Variants in ESPL1 observed in about 807,000 individuals in gnomAD.
ESPL1 encodes separin.
ESPL1 carries 50 observed loss-of-function variants against 217.2 expected under a neutral mutation model. The ratio of observed to expected loss-of-function variants is 0.23; its 90% CI spans 0.18 to 0.29. The LOEUF (loss-of-function observed/expected upper bound fraction) is 0.29. Ranked by LOEUF, ESPL1 falls within the 10% of genes least tolerant of loss-of-function variation. ESPL1 has a pLI of 1.00. For missense variants in ESPL1, 1,834 were observed against 2,603.0 expected, an observed-to-expected ratio of 0.70 and a Z score of 6.43; for synonymous variants, 994 against 1,081.3, an observed-to-expected ratio of 0.92 and a Z score of 1.58.
At chr12:53,289,659 G>T in intron 22 of ESPL1, 65 bp downstream of exon 22, 2 of 1,417,292 alleles carry the variant, frequency 1.4e-6, no homozygotes. Flanking sequence ...TGGGAGCTGG[G>T]TGAAGGAGTT....
chr12:53,271,749 T>C (rs1385985873), intron 5 of ESPL1, among the ~76,000 whole-genome samples: 2 of 152,154 alleles, frequency 1.3e-5, no homozygotes, highest in African/African-American at 4.8e-5. Context: ...CAGTCATCTA[T>C]GTTGATGGCC....
Position 53,289,139 on chromosome 12 carries a change from G to T in ESPL1, c.4758G>T (p.Arg1586=), listed in dbSNP as rs1944008911. Residue 1586 remains arginine, a synonymous_variant, in exon 21 of 31, where the codon CGG becomes CGT. Transcript: ENST00000257934. Reference sequence around the variant, plus strand: ...GTGACTCCCTGAGTGTTGCTTTCCGGGGCATTAGTCACTGTCCTCCTAGTG... The same window carrying T: ...GTGACTCCCTGAGTGTTGCTTTCCGTGGCATTAGTCACTGTCCTCCTAGTG... ...SICDSLSVAF[R]GISHCPPSGL... The T allele has an allele frequency of 2.5e-6, 4 of 1,614,126 alleles. No individual in the cohort carries two copies. Among genetic ancestry groups the T allele is most frequent in the Non-Finnish European group, 3.4e-6 (4 of 1,179,998 alleles).
chr12:53,281,261 C>T (rs549551196), intron 12 of ESPL1, among the ~76,000 whole-genome samples: 3 of 151,644 alleles, frequency 2.0e-5, no homozygotes, highest in African/African-American at 7.2e-5. Flanking sequence ...CCTCAGCCTC[C>T]CGAGTAGCTG....
At position 53,283,533 on chromosome 12, in the gene ESPL1, ACG is replaced by A. The variant is rs1367643851; in HGVS notation, c.3074_3075del (p.Arg1025ProfsTer18). ...AACTTACAACAAAGCTGCAGATACCACGCCAGTAAGTACAGGGCCAGAGGATA... is the reference window on the plus strand; with the variant it reads ...AACTTACAACAAAGCTGCAGATACCACCAGTAAGTACAGGGCCAGAGGATA... ...LKLTTKLQIP[R>X]QCALFLVLKG... On this transcript the variant is annotated frameshift_variant, in exon 16 of 31. Coordinates refer to ENST00000257934, the MANE Select transcript of ESPL1 (RefSeq NM_012291.5). LOFTEE classifies it high-confidence loss of function. 6.2e-7 allele frequency: 1 copy of A among 1,614,014 alleles called. No individual in the cohort carries two copies. Among genetic ancestry groups the A allele is most frequent in the Admixed American group, 1.7e-5 (1 of 59,960 alleles).
chr12:53,288,099 A>T lies in ESPL1; in HGVS notation c.4304A>T (p.Lys1435Met), dbSNP rs1110719. 0.98 allele frequency: 1,578,348 copies of T among 1,613,696 alleles called. 777,597 individuals are homozygous for T. The highest frequency in any genetic ancestry group is 1 in the East Asian group (44,870 of 44,870). The change falls in exon 19 of 31, where the codon AAG becomes ATG. Residue 1435 changes from lysine to methionine, a missense_variant. By Grantham distance (95) the Lys-to-Met change is moderately conservative. Coordinates refer to ENST00000257934, the MANE Select transcript of ESPL1 (RefSeq NM_012291.5). ...RGRARKGLSL[K>M]TDAVVAPGSA... ...CGAGCAAGGAAGGGCCTGAGCCTAA[A>T]GACGGATGCCGTGGTTGCCCCAGGT...
Position 53,276,666 on chromosome 12 carries a change from C to T in ESPL1, c.1747C>T (p.Leu583Phe), listed in dbSNP as rs1216967881. Residue 583 changes from leucine to phenylalanine, a missense_variant, in exon 8 of 31, where the codon CTC (leucine) becomes TTC (phenylalanine). Transcript: ENST00000257934. ...LSGWDPETLA[L>F]LLREELQAYK... is the part of the protein sequence containing the mutation. ...TGGCTGGGACCCGGAGACCCTGGCCCTCCTGCTGAGGGAGGAGCTGCAGGC... is the reference window on the plus strand; with the variant it reads ...TGGCTGGGACCCGGAGACCCTGGCCTTCCTGCTGAGGGAGGAGCTGCAGGC... The T allele has an allele frequency of 2.5e-6, 4 of 1,613,268 alleles. No homozygotes were observed. The highest frequency in any genetic ancestry group is 1.7e-6 in the Non-Finnish European group (2 of 1,179,962).
At chr12:53,291,077 T>G in intron 25 of ESPL1, 81 bp downstream of exon 25, 1 of 1,267,598 alleles carries the variant, frequency 7.9e-7, no homozygotes, top group Non-Finnish European at 1.1e-6. Context: ...CCAAGGCAGA[T>G]GGATTGCTTG....
At position 53,277,883 on chromosome 12, in the gene ESPL1, G is replaced by A. The variant is rs549455729; in HGVS notation, c.2287G>A (p.Ala763Thr). The A allele has an allele frequency of 3.1e-6, 5 of 1,614,196 alleles. No homozygotes were observed. The highest frequency in any genetic ancestry group is 2.2e-5 in the East Asian group (1 of 44,886). The change falls in exon 11 of 31, where the codon GCC becomes ACC. Residue 763 changes from alanine to threonine, a missense_variant. Transcript: ENST00000257934. The part of the protein sequence containing the change: ...LWKELLTKGQ[A>T]PAVRCLQQTA... Reference sequence around the variant, plus strand: ...GAAGGAGCTGCTTACAAAGGGGCAGGCCCCAGCTGTACGGTGTCTCCAGCA... The same window carrying A: ...GAAGGAGCTGCTTACAAAGGGGCAGACCCCAGCTGTACGGTGTCTCCAGCA...
At chr12:53,270,850 TA>T in intron 5 of ESPL1, 52 bp downstream of exon 5, 1 of 1,605,808 alleles carries the variant, frequency 6.2e-7, no homozygotes, top group Non-Finnish European at 8.5e-7. Flanking sequence ...CATCACCCAT[TA>T]GGCAGGTGAA....
chr12:53,284,985 C>G (rs1326602379), intron 17 of ESPL1, among the ~76,000 whole-genome samples: 112 of 125,322 alleles, frequency 8.9e-4, no homozygotes, highest in African/African-American at 3.3e-3. Context: ...CACTCCAGCC[C>G]GGGTGACAGT....
chr12:53,285,067 C>T (rs1943924445), intron 17 of ESPL1, among the ~76,000 whole-genome samples: 3 of 151,158 alleles, frequency 2.0e-5, no homozygotes, highest in South Asian at 4.2e-4. Flanking sequence ...AGAATTCAGT[C>T]CTCAGTCACA....
intron 6 of ESPL1, 38 bp downstream of exon 6, chr12:53,272,895 T>C (rs1384325474): frequency 6.2e-7 from 1 of 1,608,404 alleles, no homozygotes; most frequent in Non-Finnish European, 8.5e-7. Flanking sequence ...GGAGCTTATG[T>C]GGTTGGGGAG....
In ESPL1 at chr12:53,288,922, T is replaced by C. The variant is rs1002579615; in HGVS notation, c.4709-168T>C. The stretch of plus-strand genomic sequence containing the variant: ...GGTTTAGGGAGCATGGTGGAATAAG[T>C]TGATGCCTGTTAGTTGCATGGCACC... On this transcript the variant is annotated intron_variant, in intron 20 of 30. Transcript: ENST00000257934. The C allele has an allele frequency of 4.0e-5, 28 of 707,296 alleles. 1 individual carries two copies. The highest frequency in any genetic ancestry group is 6.5e-5 in the Non-Finnish European group (27 of 412,656). 43.8% of individuals were successfully genotyped at this position (707,296 alleles called of 1,614,324 possible). A position where few individuals can be genotyped will look rare whatever the true frequency, so the allele number is the denominator to read the frequency against.
chr12:53,271,223 G>A (rs1465876393), intron 5 of ESPL1, among the ~76,000 whole-genome samples: 4 of 129,234 alleles, frequency 3.1e-5, no homozygotes, highest in African/African-American at 9.0e-5. Context: ...ACCTAGGCTG[G>A]AGTGCACTGG....
rs755890836 is a variant in ESPL1, at chr12:53,268,875, AC to A, written c.81+30del. 9.5e-6 allele frequency: 15 copies of A among 1,586,684 alleles called. No individual in the cohort carries two copies. In the African/African-American group the frequency reaches 1.7e-4, roughly 18 times the overall value. Reference sequence around the variant, plus strand: ...GGGGGTGCTGCCTGGCTCGGGATACACCTGGCTTTCCAAACTGAGCTGTTTT... The same window carrying A: ...GGGGGTGCTGCCTGGCTCGGGATACACTGGCTTTCCAAACTGAGCTGTTTT... On this transcript the variant is annotated intron_variant, in intron 2 of 30. Coordinates refer to ENST00000257934, the MANE Select transcript of ESPL1 (RefSeq NM_012291.5).
In ESPL1 at chr12:53,292,293, G is replaced by T. The variant is rs1430298210; in HGVS notation, c.5812G>T (p.Val1938Leu). Reference protein sequence around the residue: ...SIIKEYGASPVLSQGVDPRST... With the variant: ...SIIKEYGASPLLSQGVDPRST... The stretch of plus-strand genomic sequence containing the variant: ...TCCTCCTCAGTATGGGGCCTCGCCA[G>T]TGCTGAGTCAAGGGGTGGATCCACG... Residue 1938 changes from valine to leucine, a missense_variant, in exon 28 of 31, where the codon GTG becomes TTG. Physicochemically the swap from Val to Leu is conservative, Grantham distance 32. This residue lies in a region of ESPL1 where 295 missense variants were observed against 519.8 expected (regional missense o/e 0.57). Coordinates refer to ENST00000257934, the MANE Select transcript of ESPL1 (RefSeq NM_012291.5). The surrounding 1 kb of genome is among the most constrained non-coding windows in gnomAD (Gnocchi z 4.5). The T allele has an allele frequency of 6.2e-7, 1 of 1,613,382 alleles. No individual in the cohort carries two copies. Among genetic ancestry groups the T allele is most frequent in the Non-Finnish European group, 8.5e-7 (1 of 1,179,292 alleles).
chr12:53,286,789 C>A lies in ESPL1; in HGVS notation c.4053C>A (p.Asp1351Glu). The A allele has an allele frequency of 1.1e-5, 18 of 1,614,160 alleles. No homozygotes were observed. Among genetic ancestry groups the A allele is most frequent in the Non-Finnish European group, 1.5e-5 (18 of 1,180,038 alleles). ...RGLPCTPKPPDRIRQAGPHVP... is the reference protein window; with the variant it reads ...RGLPCTPKPPERIRQAGPHVP... ...TGCCCTGCACACCTAAACCCCCAGACCGGATCAGGCAAGCTGGCCCTCATG... is the reference window on the plus strand; with the variant it reads ...TGCCCTGCACACCTAAACCCCCAGAACGGATCAGGCAAGCTGGCCCTCATG... Residue 1351 changes from aspartate to glutamate, a missense_variant, in exon 18 of 31, where the codon GAC becomes GAA. Around this residue, in one of 5 missense-constraint regions of ESPL1, gnomAD observed 681 missense variants for 808.0 expected, o/e 0.84. Coordinates refer to ENST00000257934, the MANE Select transcript of ESPL1 (RefSeq NM_012291.5). This position sits in a 1 kb window ranked among gnomAD's most constrained non-coding sequence, Gnocchi z 5.3.
intron 11 of ESPL1, among the ~76,000 whole-genome samples, chr12:53,278,907 A>T (rs1335432977): frequency 1.3e-5 from 2 of 150,940 alleles, no homozygotes; most frequent in African/African-American, 4.9e-5. Flanking sequence ...CCCCCCGCCG[A>T]GATAGAGTCT....
intron 17 of ESPL1, among the ~76,000 whole-genome samples, chr12:53,285,031 GA>G (rs1339761671): frequency 1.1e-3 from 140 of 133,332 alleles, no homozygotes; most frequent in East Asian, 5.6e-3. Context: ...AAAAAAAGAA[GA>G]AAGAAAGAAA....
Sources: allele counts gnomAD v4.1 joint callset (sites outside exome capture counted in the v4.1 genomes callset), GRCh38; gene constraint gnomAD v4.1.1; regional missense constraint gnomAD v4.1.1; non-coding constraint Gnocchi (gnomAD v3.1); transcripts MANE v1.5; gene names NCBI Gene and HGNC (gene_info 2026-07-23, HGNC 2026-07-21).